The following GRID2 variants were observed in gnomAD, a reference collection of about 807,000 sequenced individuals.
The protein encoded by GRID2 is glutamate receptor ionotropic, delta-2.
Under a neutral mutation model 114.8 loss-of-function variants are expected in GRID2, and 33 were observed. The observed-to-expected ratio is 0.29, with a 90% CI of 0.22 to 0.38. GRID2 has a LOEUF of 0.38. Among genes scored for constraint, GRID2 ranks in the 10% least tolerant of loss-of-function variants. The probability of loss-of-function intolerance (pLI) is 1.00; values close to 1 mark genes in which losing one functional copy is unlikely to be tolerated. For synonymous variants in GRID2, 505 were observed against 449.9 expected (o/e 1.12, Z -1.55); for missense variants, 1,184 against 1,257.7 (o/e 0.94, Z 0.89).
intron 2 of GRID2, among the ~76,000 whole-genome samples, chr4:92,765,834 A>C (rs1358322992): frequency 1.3e-5 from 2 of 152,200 alleles, no homozygotes; most frequent in East Asian, 3.9e-4. Flanking sequence ...TTGTAGTGGA[A>C]ACTCAAGGCA....
chr4:93,722,988 G>C (rs935649357), intron 14 of GRID2, among the ~76,000 whole-genome samples: 8 of 152,190 alleles, frequency 5.3e-5, no homozygotes, highest in African/African-American at 1.9e-4. Flanking sequence ...TCTGGGTACA[G>C]TGGTAAGTGG....
intron 8 of GRID2, among the ~76,000 whole-genome samples, chr4:93,321,093 G>A (rs545395301): frequency 3.9e-5 from 6 of 151,950 alleles, no homozygotes; most frequent in African/African-American, 9.7e-5. Context: ...ATAATTGAAG[G>A]TAAACTCTCC....
At chr4:92,364,172 C>T (rs1728746419) in intron 1 of GRID2, among the ~76,000 whole-genome samples, 1 of 151,978 alleles carries the variant, frequency 6.6e-6, no homozygotes, top group Non-Finnish European at 1.5e-5. Context: ...TAAGATTTTT[C>T]ATAATTTTTC....
intron 2 of GRID2, among the ~76,000 whole-genome samples, chr4:92,673,788 A>G (rs1200478755): frequency 6.6e-6 from 1 of 152,030 alleles, no homozygotes; most frequent in African/African-American, 2.4e-5. Context: ...ACACTTGGAC[A>G]CAGGGTGGGG....
chr4:93,559,989 A>G (rs1179119668), intron 13 of GRID2, among the ~76,000 whole-genome samples: 1 of 152,026 alleles, frequency 6.6e-6, no homozygotes, highest in Non-Finnish European at 1.5e-5. Flanking sequence ...CAGAAAACCA[A>G]ACACCACATG....
intron 2 of GRID2, among the ~76,000 whole-genome samples, chr4:92,958,767 T>A (rs1253209469): frequency 6.6e-6 from 1 of 152,080 alleles, no homozygotes; most frequent in Non-Finnish European, 1.5e-5. Context: ...CTTGAATGTG[T>A]GGTAGAATTC....
intron 1 of GRID2, among the ~76,000 whole-genome samples, chr4:92,540,776 A>G (rs1218637492): frequency 1.3e-5 from 2 of 152,174 alleles, no homozygotes; most frequent in Admixed American, 1.3e-4. Context: ...CATTTGACCC[A>G]GCCATCCCAT....
intron 14 of GRID2, among the ~76,000 whole-genome samples, chr4:93,738,316 T>C (rs1731095313): frequency 1.3e-5 from 2 of 152,098 alleles, no homozygotes; most frequent in African/African-American, 4.8e-5. Flanking sequence ...ATAAGGGTTA[T>C]GAGCATGGAA....
intron 2 of GRID2, among the ~76,000 whole-genome samples, chr4:92,701,147 A>G (rs1560540334): frequency 6.6e-6 from 1 of 152,192 alleles, no homozygotes; most frequent in Non-Finnish European, 1.5e-5. Flanking sequence ...AGACTTTCTC[A>G]TCTATGAAAT....
chr4:93,185,400 A>G (rs1290553116), intron 4 of GRID2, among the ~76,000 whole-genome samples: 3 of 152,224 alleles, frequency 2.0e-5, no homozygotes, highest in African/African-American at 7.2e-5. Flanking sequence ...GCAATAAAAT[A>G]GTAAACATTC....
At chr4:92,605,474 A>T (rs972269135) in intron 2 of GRID2, among the ~76,000 whole-genome samples, 4 of 152,192 alleles carry the variant, frequency 2.6e-5, no homozygotes, top group African/African-American at 9.6e-5. Flanking sequence ...TGATAATTTT[A>T]TTTATAGTGG....
At chr4:92,771,862 T>C (rs1239399881) in intron 2 of GRID2, among the ~76,000 whole-genome samples, 1 of 152,140 alleles carries the variant, frequency 6.6e-6, no homozygotes, top group Non-Finnish European at 1.5e-5. Context: ...AACCAGTTCA[T>C]AGAGCCAAGA....
intron 2 of GRID2, among the ~76,000 whole-genome samples, chr4:92,640,958 T>A (rs527585766): frequency 6.6e-6 from 1 of 151,888 alleles, no homozygotes; most frequent in Non-Finnish European, 1.5e-5. Flanking sequence ...TCTGTTTTAA[T>A]ATAAGGTGTG....
At chr4:93,548,760 T>C (rs1461231122) in intron 13 of GRID2, among the ~76,000 whole-genome samples, 1 of 152,204 alleles carries the variant, frequency 6.6e-6, no homozygotes, top group African/African-American at 2.4e-5. Flanking sequence ...AGTCACAGTA[T>C]GCCCATTTTG....
chr4:92,979,428 A>T (rs1754059290), intron 2 of GRID2, among the ~76,000 whole-genome samples: 2 of 151,992 alleles, frequency 1.3e-5, no homozygotes, highest in Non-Finnish European at 2.9e-5. Flanking sequence ...TTTAGGTACG[A>T]CTCAGTGTAT....
At chr4:92,576,367 C>G (rs927611299) in intron 1 of GRID2, among the ~76,000 whole-genome samples, 3 of 152,188 alleles carry the variant, frequency 2.0e-5, no homozygotes, top group African/African-American at 7.2e-5. Flanking sequence ...GGTCCCTCCC[C>G]CAGAGGGCTC....
intron 10 of GRID2, among the ~76,000 whole-genome samples, chr4:93,444,439 C>T (rs72668726): frequency 0.011 from 1,727 of 151,994 alleles, 14 homozygotes; most frequent in Middle Eastern, 0.017. Flanking sequence ...ATGTTTTTGT[C>T]ACTATTGTGC....
In GRID2 at chr4:93,110,785, T is replaced by C. The variant is rs748388546; in HGVS notation, c.567T>C (p.Ser189=). The change falls in exon 4 of 16, where the codon TCT becomes TCC. Residue 189 remains serine (S), a synonymous_variant. Transcript: ENST00000282020. The stretch of plus-strand genomic sequence containing the variant: ...TACAGGAGTTCTTGGACAAAGTCTC[T>C]CAGCAGGGAATGGATGTTGCACTTC... ...RGIQEFLDKV[S]QQGMDVALQK... is the part of the protein sequence containing the mutation. 4.8e-5 allele frequency: 78 copies of C among 1,613,108 alleles called. 1 individual carries two copies. In the Admixed American group the frequency reaches 1.3e-3, roughly 27 times the overall value.
intron 5 of GRID2, among the ~76,000 whole-genome samples, chr4:93,207,658 A>G (rs1742970729): frequency 1.3e-5 from 2 of 152,022 alleles, no homozygotes; most frequent in South Asian, 4.1e-4. Context: ...AAATAAATGG[A>G]GAAAGTCTTT....
Sources: allele counts gnomAD v4.1 joint callset (sites outside exome capture counted in the v4.1 genomes callset), GRCh38; gene constraint gnomAD v4.1.1; transcripts MANE v1.5; gene names NCBI Gene and HGNC (gene_info 2026-07-23, HGNC 2026-07-21).